The following ATXN7 variants were observed in gnomAD, a reference collection of about 807,000 sequenced individuals.
The protein encoded by ATXN7 is ataxin-7.
A neutral mutation model predicts 70.5 loss-of-function variants in ATXN7; 12 were observed. That is an observed-to-expected ratio of 0.17 (90% confidence interval 0.11 to 0.28). The LOEUF is 0.28. ATXN7 is among the 10% of genes least tolerant of loss of function. The pLI, the probability that ATXN7 is intolerant of heterozygous loss-of-function variation, is 1.00. For missense variants in ATXN7, 1,256 were observed against 1,131.7 expected (o/e 1.11, Z -1.58); for synonymous variants, 498 against 448.7 (o/e 1.11, Z -1.39).
In ATXN7 at chr3:63,869,674, C is replaced by T. The variant is rs1469365218; in HGVS notation, c.-111+5516C>T. ...TCCTGACCTCAGGTGATCCACCTGCCTCGGCCTCCCAAAGTGCTGGGATTA... is the reference window on the plus strand; with the variant it reads ...TCCTGACCTCAGGTGATCCACCTGCTTCGGCCTCCCAAAGTGCTGGGATTA... On this transcript the variant is annotated intron_variant, in intron 1 of 12. Transcript: ENST00000674280. Among the ~76,000 whole-genome samples, 9 of 152,340 alleles carry T rather than the reference C, an allele frequency of 5.9e-5. No individual in the cohort carries two copies. The South Asian group carries it at 1.2e-3, about 21-fold the overall frequency.
chr3:63,981,067 T>A (rs1559655364), intron 6 of ATXN7, among the ~76,000 whole-genome samples: 1 of 152,206 alleles, frequency 6.6e-6, no homozygotes, highest in Admixed American at 6.5e-5. Flanking sequence ...GCCAGCCTGC[T>A]TTTGGAGGGT....
chr3:63,947,879 G>A (rs189085921), intron 4 of ATXN7, among the ~76,000 whole-genome samples: 1 of 152,266 alleles, frequency 6.6e-6, no homozygotes, highest in East Asian at 1.9e-4. Context: ...AGGTCAGTGT[G>A]CCTGGAGCAG....
At position 63,996,235 on chromosome 3, in the gene ATXN7, G is replaced by C; in HGVS notation, c.2413G>C (p.Gly805Arg). The C allele has an allele frequency of 6.2e-7, 1 of 1,614,128 alleles. No homozygotes were observed. Among genetic ancestry groups the C allele is most frequent in the South Asian group, 1.1e-5 (1 of 91,084 alleles). Reference protein sequence around the residue: ...VNSSDSTLSLGPFIHQSNELP... With the variant: ...VNSSDSTLSLRPFIHQSNELP... ...CAGCAGTGATTCTACTCTTTCTCTT[G>C]GGCCATTCATTCACCAGTCCAATGA... is the stretch of plus-strand genomic sequence containing the variant. Residue 805 changes from glycine to arginine, a missense_variant, in exon 12 of 13, where the codon GGG (glycine) becomes CGG (arginine). Gly to Arg is a moderately radical substitution (Grantham distance 125). Transcript: ENST00000674280.
intron 4 of ATXN7, among the ~76,000 whole-genome samples, chr3:63,942,096 A>G (rs951830252): frequency 6.6e-6 from 1 of 152,162 alleles, no homozygotes; most frequent in Non-Finnish European, 1.5e-5. Context: ...GTACAGAGGT[A>G]CCCGCAGGAG....
chr3:63,955,752 T>C (rs953915891), intron 5 of ATXN7, among the ~76,000 whole-genome samples: 4 of 152,230 alleles, frequency 2.6e-5, no homozygotes, highest in Admixed American at 1.3e-4. Flanking sequence ...TTCAGTGATA[T>C]TGGTGAAAAT....
At chr3:63,973,710 G>T (rs1002077652) in intron 5 of ATXN7, among the ~76,000 whole-genome samples, 13 of 152,002 alleles carry the variant, frequency 8.6e-5, no homozygotes, top group African/African-American at 3.1e-4. Context: ...TGGAGGGTGA[G>T]AAGAGTGGAG....
At chr3:63,918,251 A>T (rs1704363550) in intron 4 of ATXN7, among the ~76,000 whole-genome samples, 1 of 152,238 alleles carries the variant, frequency 6.6e-6, no homozygotes, top group Admixed American at 6.5e-5. Context: ...AGACTGAGTC[A>T]ACAGAGTACC....
intron 8 of ATXN7, among the ~76,000 whole-genome samples, chr3:63,986,914 T>C (rs936598689): frequency 2.0e-5 from 3 of 152,200 alleles, no homozygotes; most frequent in Non-Finnish European, 2.9e-5. Flanking sequence ...TATTTTGTAA[T>C]ATAAAAGAAG....
At chr3:63,981,983 T>G (rs1025204271) in intron 6 of ATXN7, among the ~76,000 whole-genome samples, 2 of 152,190 alleles carry the variant, frequency 1.3e-5, no homozygotes, top group Non-Finnish European at 2.9e-5. Context: ...GATGGTCCAC[T>G]GAGGGTTTTG....
At chr3:63,926,031 C>A (rs1039474903) in intron 4 of ATXN7, among the ~76,000 whole-genome samples, 14 of 152,262 alleles carry the variant, frequency 9.2e-5, no homozygotes, top group African/African-American at 2.6e-4. Context: ...GTGAAATCCC[C>A]AAGTTTCTAG....
chr3:63,947,449 G>A (rs192731840), intron 4 of ATXN7, among the ~76,000 whole-genome samples: 163 of 152,202 alleles, frequency 1.1e-3, no homozygotes, highest in African/African-American at 1.5e-3. Flanking sequence ...TTAGCTGGGC[G>A]TGGTGGTGCA....
At position 63,995,931 on chromosome 3, in the gene ATXN7, A is replaced by C; in HGVS notation, c.2109A>C (p.Ser703=). Residue 703 remains serine, a synonymous_variant, in exon 12 of 13, where the codon TCA becomes TCC. Coordinates refer to ENST00000674280, the MANE Select transcript of ATXN7 (RefSeq NM_001377405.1). ...QNASSSTSGG[S]GKKRKNSSPL... is the part of the protein sequence containing the mutation. ...CCAGTAGCAGTACCAGTGGCGGCTC[A>C]GGAAAGAAACGCAAAAACAGTTCCC... is the stretch of plus-strand genomic sequence containing the variant. The C allele has an allele frequency of 6.2e-7, 1 of 1,614,216 alleles. No individual in the cohort carries two copies. The highest frequency in any genetic ancestry group is 8.5e-7 in the Non-Finnish European group (1 of 1,180,022).
In ATXN7 at chr3:63,999,692, G is replaced by A. The variant is rs1459453470; in HGVS notation, c.*225G>A. ...GGACACTGGATCAAGTTCAGCCACCGAATTGCTTTTATCAGTGTTAAAGTG... is the reference window on the plus strand; with the variant it reads ...GGACACTGGATCAAGTTCAGCCACCAAATTGCTTTTATCAGTGTTAAAGTG... On this transcript the variant is annotated 3_prime_UTR_variant, in exon 13 of 13. Coordinates refer to ENST00000674280, the MANE Select transcript of ATXN7 (RefSeq NM_001377405.1). The A allele has an allele frequency of 1.2e-5, 9 of 761,014 alleles. No individual in the cohort carries two copies. The highest frequency in any genetic ancestry group is 1.2e-4 in the Admixed American group (5 of 42,794). The allele number at this position is 761,014 out of a possible 1,614,324, so 47.1% of individuals were successfully genotyped here. A position where few individuals can be genotyped will look rare whatever the true frequency, so the allele number is the denominator to read the frequency against.
At chr3:63,930,497 AGC>A (rs903738311) in intron 4 of ATXN7, among the ~76,000 whole-genome samples, 2 of 151,918 alleles carry the variant, frequency 1.3e-5, no homozygotes, top group Non-Finnish European at 2.9e-5. Flanking sequence ...GTGGAAGAAT[AGC>A]CACTTGATCT....
chr3:63,916,955 C>T (rs762990245), intron 4 of ATXN7, among the ~76,000 whole-genome samples: 2 of 151,774 alleles, frequency 1.3e-5, no homozygotes, highest in Non-Finnish European at 2.9e-5. Context: ...GCTGTGTCGC[C>T]CAGGCTGGAG....
chr3:63,962,078 G>T (rs2075141741), intron 5 of ATXN7, among the ~76,000 whole-genome samples: 1 of 152,100 alleles, frequency 6.6e-6, no homozygotes, highest in Non-Finnish European at 1.5e-5. Context: ...TCTGATGTAT[G>T]TACTAGTCCA....
intron 2 of ATXN7, chr3:63,904,329 G>A (rs1181791428): frequency 6.7e-6 from 1 of 149,336 alleles, no homozygotes; most frequent in Non-Finnish European, 1.5e-5. Flanking sequence ...CTGTTGCCCA[G>A]GCTGGAGTGC....
Position 64,003,205 on chromosome 3 carries a change from CTTTTTTTTTTTT to C in ATXN7, c.*3751_*3762del, listed in dbSNP as rs754267860. The C allele has an allele frequency of 4.0e-5, 3 of 75,514 alleles. No homozygotes were observed. Among genetic ancestry groups the C allele is most frequent in the East Asian group, 4.3e-4 (1 of 2,324 alleles). 4.7% of individuals were successfully genotyped at this position (75,514 alleles called of 1,614,324 possible). Reference sequence around the variant, plus strand: ...AATGTAGGGCCTTGAAAGCATTTTGCTTTTTTTTTTTTTTTTTTTTTTTTGAGCTTGGTTATA... The same window carrying C: ...AATGTAGGGCCTTGAAAGCATTTTGCTTTTTTTTTTTTGAGCTTGGTTATA... On this transcript the variant is annotated 3_prime_UTR_variant, in exon 13 of 13. Coordinates refer to ENST00000674280, the MANE Select transcript of ATXN7 (RefSeq NM_001377405.1).
chr3:63,916,522 C>T (rs1000229916), intron 4 of ATXN7, among the ~76,000 whole-genome samples: 1 of 152,180 alleles, frequency 6.6e-6, no homozygotes. Flanking sequence ...TGACCAACTC[C>T]TATCAGGCAA....
Sources: gnomAD v4.1 joint callset for allele counts (sites outside exome capture counted in the v4.1 genomes callset) on GRCh38, gnomAD v4.1.1 for gene constraint, MANE v1.5 for transcripts, NCBI Gene and HGNC (gene_info 2026-07-23, HGNC 2026-07-21) for gene names.